WDR7: variants seen among roughly 807,000 people sequenced by gnomAD.
WDR7 encodes the protein WD repeat-containing protein 7.
In WDR7, 46 loss-of-function variants were observed where a neutral mutation model predicts 169.4. That is an observed-to-expected ratio of 0.27 (90% CI 0.21 to 0.35). The LOEUF (loss-of-function observed/expected upper bound fraction) is 0.35. Among genes scored for constraint, WDR7 ranks in the 10% least tolerant of loss-of-function variants. The pLI, the probability that WDR7 is intolerant of heterozygous loss-of-function variation, is 1.00. For missense variants in WDR7, 1,534 were observed against 1,859.3 expected, an observed-to-expected ratio of 0.83 and a Z score of 3.22; for synonymous variants, 612 against 666.8, an observed-to-expected ratio of 0.92 and a Z score of 1.27.
intron 19 of WDR7, among the ~76,000 whole-genome samples, chr18:56,784,812 T>C (rs1216029853): frequency 6.6e-6 from 1 of 152,204 alleles, no homozygotes; most frequent in Non-Finnish European, 1.5e-5. Context: ...TTAAGTTTTG[T>C]ATTTATGTAA....
intron 1 of WDR7, among the ~76,000 whole-genome samples, chr18:56,667,655 A>T (rs1343154018): frequency 2.6e-5 from 4 of 152,118 alleles, no homozygotes; most frequent in Admixed American, 2.6e-4. Flanking sequence ...TTTACTTAGA[A>T]AGCTTTCAGT....
chr18:56,966,432 C>T (rs1011642772), intron 26 of WDR7, among the ~76,000 whole-genome samples: 4 of 151,960 alleles, frequency 2.6e-5, no homozygotes, highest in Non-Finnish European at 4.4e-5. Context: ...TATGATGACC[C>T]ATTTCCACTT....
chr18:56,892,350 T>G (rs1365829283), intron 21 of WDR7, among the ~76,000 whole-genome samples: 12 of 152,168 alleles, frequency 7.9e-5, no homozygotes, highest in Admixed American at 7.9e-4. Flanking sequence ...TCCATAGCTA[T>G]GCTATGTGCT....
rs1235705627 is a variant in WDR7, at chr18:56,935,807, C to T, written c.3733C>T (p.Leu1245=). The T allele has an allele frequency of 6.2e-7, 1 of 1,614,036 alleles. No homozygotes were observed. The change falls in exon 23 of 28, where the codon CTG becomes TTG. Residue 1245 remains leucine (L), a synonymous_variant. Coordinates refer to ENST00000254442, the MANE Select transcript of WDR7 (RefSeq NM_015285.3). ...QLANITMGLP[L]SPAADSARSA... The stretch of plus-strand genomic sequence containing the variant: ...GTTTAGCATCACAATGGGGTTGCCT[C>T]TGAGCCCAGCAGCTGACTCGGCCCG...
intron 20 of WDR7, among the ~76,000 whole-genome samples, chr18:56,841,280 A>G (rs1217423401): frequency 6.6e-6 from 1 of 151,346 alleles, no homozygotes; most frequent in Non-Finnish European, 1.5e-5. Flanking sequence ...GGTGGCCCAC[A>G]CCTGTAATCC....
chr18:56,743,501 A>G (rs2043650955), intron 14 of WDR7, among the ~76,000 whole-genome samples: 1 of 152,162 alleles, frequency 6.6e-6, no homozygotes, highest in Non-Finnish European at 1.5e-5. Context: ...CAGGCAGAGT[A>G]GAGAGTAATC....
In WDR7 at chr18:56,744,461, T is replaced by C. The variant is rs542106313; in HGVS notation, c.1990-12122T>C. 2.6e-5 allele frequency among the ~76,000 whole-genome samples: 4 copies of C among 152,070 alleles called. No homozygotes were observed. In the East Asian group the frequency reaches 7.8e-4, roughly 30 times the overall value. The stretch of plus-strand genomic sequence containing the variant: ...GGTAGAGATTAGGGAAGGAGGGGTC[T>C]AAGAGCAAGTGTAAGGATTCACTGA... On this transcript the variant is annotated intron_variant, in intron 14 of 27. Coordinates refer to ENST00000254442, the MANE Select transcript of WDR7 (RefSeq NM_015285.3).
rs559985052 is a variant in WDR7 at position 56,817,876 on chromosome 18, C to T, written c.3304+1732C>T. Among the ~76,000 whole-genome samples the T allele has an allele frequency of 2.6e-5, 4 of 152,048 alleles. No homozygotes were observed. The South Asian group carries it at 8.3e-4, about 32-fold the overall frequency. On this transcript the variant is annotated intron_variant, in intron 20 of 27. Coordinates refer to ENST00000254442, the MANE Select transcript of WDR7 (RefSeq NM_015285.3). ...TCTCCTGCCTCAGCCTCTCAAGCAG[C>T]TATAACTACAGGTGCATACCACCAC...
intron 9 of WDR7, among the ~76,000 whole-genome samples, chr18:56,693,720 C>T (rs1269341034): frequency 3.3e-5 from 5 of 151,422 alleles, no homozygotes; most frequent in African/African-American, 1.2e-4. Context: ...TACAGGCACG[C>T]ACCACCACAC....
chr18:57,026,927 A>C, intron 27 of WDR7, 77 bp from the exon 28 acceptor site: 3 of 1,451,988 alleles, frequency 2.1e-6, no homozygotes, highest in Non-Finnish European at 2.8e-6. Flanking sequence ...AGTAGCCAGG[A>C]GAGATCGACC....
intron 22 of WDR7, among the ~76,000 whole-genome samples, chr18:56,928,350 A>G (rs948182725): frequency 6.6e-6 from 1 of 152,144 alleles, no homozygotes; most frequent in Non-Finnish European, 1.5e-5. Flanking sequence ...CTGTAGTCCC[A>G]GCTACCAGGG....
At chr18:57,031,030 C>T (rs1663246054), downstream of WDR7, 2 of 152,182 alleles carry the variant, frequency 1.3e-5, no homozygotes, top group Admixed American at 1.3e-4. Flanking sequence ...ATATTGAATG[C>T]TCAAAAAGCA....
intron 8 of WDR7, among the ~76,000 whole-genome samples, 160 bp from the exon 9 acceptor site, chr18:56,691,555 G>T (rs1180065221): frequency 6.6e-6 from 1 of 151,756 alleles, no homozygotes; most frequent in Non-Finnish European, 1.5e-5. Context: ...TTATTTGAAG[G>T]ACAATATTTT....
chr18:56,816,729 G>A (rs1223486306), intron 20 of WDR7, among the ~76,000 whole-genome samples: 4 of 152,020 alleles, frequency 2.6e-5, no homozygotes, highest in Admixed American at 1.3e-4. Context: ...TACTCTTAAG[G>A]CAGTTTCAGT....
intron 27 of WDR7, among the ~76,000 whole-genome samples, chr18:57,023,691 G>T (rs571514216): frequency 6.6e-6 from 1 of 152,068 alleles, no homozygotes; most frequent in Admixed American, 6.5e-5. Flanking sequence ...TTCTAACCCC[G>T]TTTTCTACAA....
chr18:56,838,776 T>C (rs1301757820), intron 20 of WDR7, among the ~76,000 whole-genome samples: 3 of 152,186 alleles, frequency 2.0e-5, no homozygotes, highest in East Asian at 3.8e-4. Flanking sequence ...GTGAATTGTT[T>C]TGCGTATTCA....
intron 26 of WDR7, among the ~76,000 whole-genome samples, chr18:56,992,009 A>G (rs2047824849): frequency 6.6e-6 from 1 of 152,268 alleles, no homozygotes; most frequent in African/African-American, 2.4e-5. Context: ...ATTAAAATAG[A>G]AAACGAGTCC....
In WDR7 at chr18:56,880,055, C is replaced by T; in HGVS notation, c.3416C>T (p.Ala1139Val). ...LLGVIGAEFG[A>V]EIEPPKLLTR... ...GGAGTAATAGGAGCTGAATTTGGTG[C>T]TGAAATTGAACCTCCTAAACTATTG... The change falls in exon 21 of 28, where the codon GCT (alanine) becomes GTT (valine). Residue 1139 changes from alanine to valine, a missense_variant. Ala to Val is a moderately conservative substitution (Grantham distance 64). Coordinates refer to ENST00000254442, the MANE Select transcript of WDR7 (RefSeq NM_015285.3). The T allele has an allele frequency of 6.2e-7, 1 of 1,614,062 alleles. No individual in the cohort carries two copies. The highest frequency in any genetic ancestry group is 8.5e-7 in the Non-Finnish European group (1 of 1,179,992).
chr18:56,924,978 G>A (rs1172412406), intron 22 of WDR7, among the ~76,000 whole-genome samples: 2 of 152,118 alleles, frequency 1.3e-5, no homozygotes. Flanking sequence ...TTAATCTTCT[G>A]TCTCTGTGAA....
Sources: allele counts gnomAD v4.1 joint callset (sites outside exome capture counted in the v4.1 genomes callset), GRCh38; gene constraint gnomAD v4.1.1; transcripts MANE v1.5; gene names NCBI Gene and HGNC (gene_info 2026-07-23, HGNC 2026-07-21).